ADAMTSL1: variants seen among roughly 807,000 people sequenced by gnomAD.
The protein encoded by ADAMTSL1 is ADAMTS like 1.
A neutral mutation model predicts 201.8 loss-of-function variants in ADAMTSL1; 126 were observed. That is an observed-to-expected ratio of 0.62 (90% confidence interval 0.54 to 0.72). ADAMTSL1 has a LOEUF of 0.72. Ranked by LOEUF, ADAMTSL1 falls within the 30% of genes least tolerant of loss-of-function variation. The pLI, the probability that ADAMTSL1 is intolerant of heterozygous loss-of-function variation, is 0.00. For missense variants in ADAMTSL1, 2,679 were observed against 2,277.8 expected (o/e 1.18, Z -3.59); for synonymous variants, 1,121 against 903.4 (o/e 1.24, Z -4.32).
intron 7 of ADAMTSL1, among the ~76,000 whole-genome samples, chr9:18,654,633 G>T (rs1425847749): frequency 1.3e-5 from 2 of 152,138 alleles, no homozygotes; most frequent in African/African-American, 4.8e-5. Context: ...CTATAAGGAA[G>T]ATTTTATTAT....
chr9:18,826,886 G>A (rs1286371891), intron 22 of ADAMTSL1, among the ~76,000 whole-genome samples: 1 of 152,148 alleles, frequency 6.6e-6, no homozygotes, highest in Non-Finnish European at 1.5e-5. Context: ...ATTCATACAT[G>A]TAATATTTTT....
chr9:18,654,541 C>A (rs1828500802), intron 7 of ADAMTSL1, among the ~76,000 whole-genome samples: 1 of 152,124 alleles, frequency 6.6e-6, no homozygotes, highest in Admixed American at 6.6e-5. Context: ...AATGTACCTG[C>A]CTCCATGGAG....
intron 2 of ADAMTSL1, among the ~76,000 whole-genome samples, chr9:18,165,875 G>A (rs192696419): frequency 2.6e-5 from 4 of 151,996 alleles, no homozygotes; most frequent in African/African-American, 7.2e-5. Flanking sequence ...CGTAATCTCC[G>A]TTTGTCAAGG....
chr9:18,750,254 C>A (rs1228546432), intron 15 of ADAMTSL1, among the ~76,000 whole-genome samples: 1 of 152,102 alleles, frequency 6.6e-6, no homozygotes, highest in South Asian at 2.1e-4. Flanking sequence ...ATCTAGCAAA[C>A]ACCCCAGAAG....
upstream of ADAMTSL1, among the ~76,000 whole-genome samples, chr9:18,470,053 G>T (rs1172415696): frequency 2.0e-5 from 3 of 152,214 alleles, no homozygotes; most frequent in Non-Finnish European, 4.4e-5. Context: ...GAGACTCTCA[G>T]TGTATGTAGC....
chr9:17,957,791 G>C (rs1827987165), intron 1 of ADAMTSL1, among the ~76,000 whole-genome samples: 1 of 152,138 alleles, frequency 6.6e-6, no homozygotes, highest in African/African-American at 2.4e-5. Flanking sequence ...TGAAAATGGA[G>C]GTGGAGATTG....
At chr9:18,779,251 G>A (rs748770018) in intron 19 of ADAMTSL1, among the ~76,000 whole-genome samples, 5 of 152,108 alleles carry the variant, frequency 3.3e-5, no homozygotes, top group South Asian at 2.1e-4. Context: ...TCTGAGACTC[G>A]GTGAATAGAT....
intron 2 of ADAMTSL1, among the ~76,000 whole-genome samples, chr9:18,510,551 G>C (rs1338298712): frequency 1.3e-5 from 2 of 152,042 alleles, no homozygotes; most frequent in African/African-American, 4.8e-5. Context: ...GGCAGTGCTT[G>C]ATTTTCCAGG....
At chr9:18,321,270 A>G (rs1834606507) in intron 2 of ADAMTSL1, among the ~76,000 whole-genome samples, 1 of 152,236 alleles carries the variant, frequency 6.6e-6, no homozygotes, top group Admixed American at 6.5e-5. Context: ...TCATAAATGC[A>G]TATGAACTTA....
At chr9:17,971,923 C>G (rs1379236041) in intron 1 of ADAMTSL1, among the ~76,000 whole-genome samples, 1 of 151,656 alleles carries the variant, frequency 6.6e-6, no homozygotes, top group South Asian at 2.1e-4. Flanking sequence ...TCCTTCATAT[C>G]TTTCTTTTTA....
intron 2 of ADAMTSL1, among the ~76,000 whole-genome samples, chr9:18,194,826 G>C (rs1035582329): frequency 6.6e-6 from 1 of 151,940 alleles, no homozygotes; most frequent in Admixed American, 6.6e-5. Context: ...CATTCTCCAA[G>C]TTGTCCCGCC....
intron 22 of ADAMTSL1, among the ~76,000 whole-genome samples, chr9:18,828,469 A>T (rs1824737560): frequency 6.6e-6 from 1 of 151,318 alleles, no homozygotes; most frequent in South Asian, 2.1e-4. Context: ...CAGTTCCTAA[A>T]ATCATGGTAT....
At chr9:18,181,946 A>G (rs1470946859) in intron 2 of ADAMTSL1, among the ~76,000 whole-genome samples, 1 of 152,202 alleles carries the variant, frequency 6.6e-6, no homozygotes, top group Non-Finnish European at 1.5e-5. Context: ...ACCATGGAAT[A>G]CTATGCAGCC....
At chr9:18,567,259 G>A (rs983252986) in intron 3 of ADAMTSL1, among the ~76,000 whole-genome samples, 1 of 152,074 alleles carries the variant, frequency 6.6e-6, no homozygotes, top group East Asian at 1.9e-4. Context: ...GAGGTCAGGA[G>A]TTCAAGACCA....
intron 23 of ADAMTSL1, among the ~76,000 whole-genome samples, chr9:18,841,314 G>T (rs1336532016): frequency 1.3e-5 from 2 of 151,772 alleles, no homozygotes; most frequent in Admixed American, 6.6e-5. Flanking sequence ...TTTGTCTTTG[G>T]TTCTGTTTAT....
intron 2 of ADAMTSL1, among the ~76,000 whole-genome samples, chr9:18,426,108 TA>T (rs1394534397): frequency 2.0e-5 from 3 of 152,162 alleles, no homozygotes; most frequent in African/African-American, 7.2e-5. Flanking sequence ...GGAAGTTCAC[TA>T]ACCCCTAAAG....
chr9:18,142,061 A>G (rs72699502), intron 1 of ADAMTSL1, among the ~76,000 whole-genome samples: 5,336 of 152,282 alleles, frequency 0.035, 135 homozygotes, highest in Non-Finnish European at 0.057. Flanking sequence ...TTTTCCCTGC[A>G]GGAGCTTGCC....
At chr9:18,728,689 G>A (rs1341263491) in intron 15 of ADAMTSL1, among the ~76,000 whole-genome samples, 2 of 152,194 alleles carry the variant, frequency 1.3e-5, no homozygotes, top group East Asian at 3.9e-4. Flanking sequence ...GAATGGTAAG[G>A]CCTAAGTAGG....
intron 1 of ADAMTSL1, among the ~76,000 whole-genome samples, chr9:17,940,071 AG>A (rs1340063358): frequency 2.0e-5 from 3 of 152,054 alleles, no homozygotes; most frequent in African/African-American, 7.2e-5. Flanking sequence ...GTTAGAATGT[AG>A]GGTATGGTAG....
Sources: gnomAD v4.1 joint callset for allele counts (sites outside exome capture counted in the v4.1 genomes callset) on GRCh38, gnomAD v4.1.1 for gene constraint, MANE v1.5 for transcripts, NCBI Gene and HGNC (gene_info 2026-07-23, HGNC 2026-07-21) for gene names.